Variants in IL1R1 observed in about 807,000 individuals in gnomAD.
IL1R1 encodes interleukin-1 receptor type 1.
A neutral mutation model predicts 50.2 loss-of-function variants in IL1R1; 22 were observed. The ratio of observed to expected loss-of-function variants is 0.44; its 90% CI spans 0.31 to 0.63. IL1R1 has a LOEUF of 0.63. IL1R1 is among the 20% of genes least tolerant of loss of function. The probability of loss-of-function intolerance (pLI) is 0.07; values close to 1 mark genes in which losing one functional copy is unlikely to be tolerated. For synonymous variants in IL1R1, 251 were observed against 236.7 expected, an observed-to-expected ratio of 1.06 and a Z score of -0.55; for missense variants, 509 against 676.2, an observed-to-expected ratio of 0.75 and a Z score of 2.74.
intron 3 of IL1R1, among the ~76,000 whole-genome samples, chr2:102,159,361 A>G (rs1049571790): frequency 1.3e-5 from 2 of 152,172 alleles, no homozygotes; most frequent in Non-Finnish European, 2.9e-5. Context: ...GAGGGGCTCC[A>G]TGTGTGTTGG....
At chr2:102,091,329 C>G (rs138227028) in intron 1 of IL1R1, among the ~76,000 whole-genome samples, 17 of 152,212 alleles carry the variant, frequency 1.1e-4, no homozygotes, top group Middle Eastern at 3.4e-3. Context: ...AACATTGCCT[C>G]TTTATGGTTC....
At chr2:102,112,218 G>A (rs1368130132) in intron 1 of IL1R1, among the ~76,000 whole-genome samples, 1 of 151,978 alleles carries the variant, frequency 6.6e-6, no homozygotes, top group Non-Finnish European at 1.5e-5. Context: ...ACAGGAGACC[G>A]AGACAAAATA....
rs1202872871 is a variant in IL1R1, at chr2:102,178,428, T to G, written c.*1669T>G. The G allele has an allele frequency of 1.6e-4, 25 of 152,246 alleles. No individual in the cohort carries two copies. Among genetic ancestry groups the G allele is most frequent in the Admixed American group, 1.6e-3 (25 of 15,286 alleles). The allele number at this position is 152,246 out of a possible 1,614,324, so 9.4% of individuals were successfully genotyped here. ...AAAAACATTCCCCAATTATCTTATT[T>G]AATTTTTGCAATTATTCTAATTTTA... On this transcript the variant is annotated 3_prime_UTR_variant, in exon 12 of 12. Coordinates refer to ENST00000410023, the MANE Select transcript of IL1R1 (RefSeq NM_000877.4).
intron 1 of IL1R1, among the ~76,000 whole-genome samples, chr2:102,120,768 C>T (rs1681361030): frequency 6.6e-6 from 1 of 152,202 alleles, no homozygotes; most frequent in Non-Finnish European, 1.5e-5. Context: ...TCCCTCCACG[C>T]TCTGCAGGTG....
intron 1 of IL1R1, among the ~76,000 whole-genome samples, chr2:102,120,863 T>C (rs377439769): frequency 1.3e-5 from 2 of 152,118 alleles, no homozygotes. Context: ...CAATAAAAAA[T>C]TGGTTTAATG....
intron 1 of IL1R1, among the ~76,000 whole-genome samples, chr2:102,118,862 GA>G (rs1577888323): frequency 6.6e-6 from 1 of 151,550 alleles, no homozygotes; most frequent in Non-Finnish European, 1.5e-5. Flanking sequence ...CTAAAAATAG[GA>G]AAAAATTAGC....
At chr2:102,106,338 C>T (rs564318739) in intron 1 of IL1R1, among the ~76,000 whole-genome samples, 1 of 152,130 alleles carries the variant, frequency 6.6e-6, no homozygotes, top group East Asian at 1.9e-4. Context: ...CAAAGTTGTC[C>T]AGAAAGAGCC....
At chr2:102,107,046 A>C (rs1051872969) in intron 1 of IL1R1, among the ~76,000 whole-genome samples, 2 of 152,168 alleles carry the variant, frequency 1.3e-5, no homozygotes, top group African/African-American at 4.8e-5. Context: ...TGGGCATTTT[A>C]AAAACTCTAG....
intron 5 of IL1R1, among the ~76,000 whole-genome samples, chr2:102,165,816 G>A (rs1685134760): frequency 6.6e-6 from 1 of 152,152 alleles, no homozygotes; most frequent in African/African-American, 2.4e-5. Context: ...ATGAAGTGCA[G>A]TATTGTTAAG....
At chr2:102,087,830 G>T (rs1489799858) in intron 1 of IL1R1, among the ~76,000 whole-genome samples, 1 of 152,110 alleles carries the variant, frequency 6.6e-6, no homozygotes, top group Non-Finnish European at 1.5e-5. Flanking sequence ...GTGTGAAAAT[G>T]GACTAATATA....
intron 1 of IL1R1, among the ~76,000 whole-genome samples, chr2:102,072,200 C>T (rs1678755935): frequency 6.7e-6 from 1 of 149,752 alleles, no homozygotes; most frequent in South Asian, 2.1e-4. Flanking sequence ...GTGGAGGTTG[C>T]AGTGAGCCGA....
At chr2:102,169,529 T>A (rs955910477) in intron 7 of IL1R1, among the ~76,000 whole-genome samples, 23 of 152,320 alleles carry the variant, frequency 1.5e-4, no homozygotes, top group African/African-American at 5.5e-4. Flanking sequence ...TGGAAACCAC[T>A]GATCAAGAGA....
At chr2:102,077,793 A>G (rs1203614797) in intron 1 of IL1R1, among the ~76,000 whole-genome samples, 2 of 152,198 alleles carry the variant, frequency 1.3e-5, no homozygotes, top group Non-Finnish European at 2.9e-5. Context: ...CATGTGGACT[A>G]TTTTCCAGGG....
intron 1 of IL1R1, among the ~76,000 whole-genome samples, chr2:102,112,916 C>T (rs1680855883): frequency 1.3e-5 from 2 of 152,064 alleles, no homozygotes; most frequent in Admixed American, 1.3e-4. Flanking sequence ...GATTAGTGCC[C>T]CTGTAAGAAG....
intron 1 of IL1R1, among the ~76,000 whole-genome samples, chr2:102,145,332 G>T (rs1683022764): frequency 6.6e-6 from 1 of 152,136 alleles, no homozygotes; most frequent in South Asian, 2.1e-4. Flanking sequence ...TTCTCCTCTG[G>T]TTGTCTGCTG....
chr2:102,091,069 G>C (rs1455956481), intron 1 of IL1R1, among the ~76,000 whole-genome samples: 2 of 152,130 alleles, frequency 1.3e-5, no homozygotes, highest in African/African-American at 4.8e-5. Flanking sequence ...TTTTCATAGA[G>C]AGCCTTGTGA....
At chr2:102,153,562 G>A (rs1683892177) in intron 1 of IL1R1, among the ~76,000 whole-genome samples, 1 of 152,164 alleles carries the variant, frequency 6.6e-6, no homozygotes, top group Admixed American at 6.5e-5. Flanking sequence ...ATCCCCATGT[G>A]TCCAGGGAGG....
intron 1 of IL1R1, among the ~76,000 whole-genome samples, chr2:102,121,815 A>G (rs6727985): frequency 0.23 from 35,529 of 152,122 alleles, 6,255 homozygotes; most frequent in African/African-American, 0.49. Flanking sequence ...CTTATTGTAC[A>G]TATTACAGCT....
At chr2:102,072,806 CT>C (rs1176671086) in intron 1 of IL1R1, among the ~76,000 whole-genome samples, 3 of 151,976 alleles carry the variant, frequency 2.0e-5, no homozygotes, top group Non-Finnish European at 2.9e-5. Flanking sequence ...AAAGTTTTCG[CT>C]TTTTTGTAGG....
Sources: allele counts gnomAD v4.1 joint callset (sites outside exome capture counted in the v4.1 genomes callset), GRCh38; gene constraint gnomAD v4.1.1; transcripts MANE v1.5; gene names NCBI Gene and HGNC (gene_info 2026-07-23, HGNC 2026-07-21).